CDK6: variants seen among roughly 807,000 people sequenced by gnomAD.
CDK6 encodes the protein cyclin dependent kinase 6.
CDK6 carries 6 observed loss-of-function variants against 37.1 expected under a neutral mutation model. That is an observed-to-expected ratio of 0.16 (90% CI 0.09 to 0.32). The LOEUF is 0.32. Ranked by LOEUF, CDK6 falls within the 10% of genes least tolerant of loss-of-function variation. The pLI, the probability that CDK6 is intolerant of heterozygous loss-of-function variation, is 1.00. For missense variants in CDK6, 224 were observed against 418.9 expected (o/e 0.53, Z 4.06); for synonymous variants, 160 against 161.3 (o/e 0.99, Z 0.06).
chr7:92,717,759 C>G (rs1798266330), intron 4 of CDK6, among the ~76,000 whole-genome samples: 1 of 152,206 alleles, frequency 6.6e-6, no homozygotes. Context: ...CTTTTATAAA[C>G]AAGGGAATCA....
intron 2 of CDK6, among the ~76,000 whole-genome samples, chr7:92,802,636 C>T (rs1800611031): frequency 6.6e-6 from 1 of 152,178 alleles, no homozygotes; most frequent in Non-Finnish European, 1.5e-5. Context: ...AGCTGCAGTT[C>T]CCACCGTTTA....
At chr7:92,676,764 G>A (rs1452990642) in intron 4 of CDK6, among the ~76,000 whole-genome samples, 1 of 152,032 alleles carries the variant, frequency 6.6e-6, no homozygotes, top group East Asian at 1.9e-4. Flanking sequence ...TTTGTGAAGT[G>A]AAAATCAAAA....
chr7:92,635,202 A>C (rs1796142071), intron 5 of CDK6, among the ~76,000 whole-genome samples: 1 of 152,190 alleles, frequency 6.6e-6, no homozygotes, highest in South Asian at 2.1e-4. Context: ...CTAGCTCCCT[A>C]AAACACTTAA....
chr7:92,676,346 G>A (rs2116614502), intron 4 of CDK6, among the ~76,000 whole-genome samples: 1 of 152,212 alleles, frequency 6.6e-6, no homozygotes, highest in East Asian at 1.9e-4. Flanking sequence ...AATTACAACA[G>A]AGACTATGAT....
intron 2 of CDK6, among the ~76,000 whole-genome samples, chr7:92,796,469 C>T (rs1282152222): frequency 2.0e-5 from 3 of 152,028 alleles, no homozygotes; most frequent in East Asian, 3.8e-4. Flanking sequence ...TAAGTTGCTA[C>T]GTGCATAAAT....
intron 3 of CDK6, among the ~76,000 whole-genome samples, chr7:92,767,319 T>C (rs79276519): frequency 1.2e-3 from 189 of 152,334 alleles, no homozygotes; most frequent in Non-Finnish European, 2.2e-3. Flanking sequence ...CTTTAAGAAG[T>C]TGCTTGAGTT....
At chr7:92,796,285 AG>A (rs1452498174) in intron 2 of CDK6, among the ~76,000 whole-genome samples, 3 of 152,066 alleles carry the variant, frequency 2.0e-5, no homozygotes, top group Admixed American at 6.6e-5. Context: ...CTTTGTTTCA[AG>A]TAAAAGAAAA....
At chr7:92,621,330 C>T (rs918768283) in intron 6 of CDK6, among the ~76,000 whole-genome samples, 18 of 152,202 alleles carry the variant, frequency 1.2e-4, no homozygotes, top group African/African-American at 3.9e-4. Context: ...TGGCAACCTA[C>T]GATTGTCAGG....
rs558833388 is a variant in CDK6, at chr7:92,767,317, A to T, written c.369+7379T>A. On this transcript the variant is annotated intron_variant, in intron 3 of 7. Transcript: ENST00000424848. ...TGCATAAAAATGTTCTCCTTTAAGAAGTTGCTTGAGTTACTGAGTTTTCCC... is the reference window on the plus strand; with the variant it reads ...TGCATAAAAATGTTCTCCTTTAAGATGTTGCTTGAGTTACTGAGTTTTCCC... 2.0e-5 allele frequency among the ~76,000 whole-genome samples: 3 copies of T among 152,322 alleles called. No homozygotes were observed. The South Asian group carries it at 6.2e-4, about 32-fold the overall frequency.
intron 4 of CDK6, among the ~76,000 whole-genome samples, chr7:92,683,719 G>GGT (rs1204092903): frequency 6.6e-6 from 1 of 151,994 alleles, no homozygotes; most frequent in Non-Finnish European, 1.5e-5. Context: ...TGGGGGGGGG[G>GGT]TCCCCACTAT....
intron 3 of CDK6, among the ~76,000 whole-genome samples, chr7:92,762,568 ACCT>A (rs1799482912): frequency 6.8e-6 from 1 of 146,714 alleles, no homozygotes; most frequent in Non-Finnish European, 1.5e-5. Context: ...TTCATAGAAC[ACCT>A]TTTTTTTTTT....
intron 4 of CDK6, among the ~76,000 whole-genome samples, chr7:92,694,600 A>G (rs1797667641): frequency 6.6e-6 from 1 of 152,240 alleles, no homozygotes; most frequent in Non-Finnish European, 1.5e-5. Context: ...GCAAAGCCAC[A>G]TATCACTTAT....
chr7:92,621,517 AAGAAGGTG>A (rs1313299697), intron 6 of CDK6, among the ~76,000 whole-genome samples: 4 of 152,192 alleles, frequency 2.6e-5, no homozygotes, highest in Non-Finnish European at 4.4e-5. Flanking sequence ...AAATAAGGGA[AAGAAGGTG>A]ATGGCTTTCA....
chr7:92,695,889 C>A (rs998525556), intron 4 of CDK6, among the ~76,000 whole-genome samples: 4 of 152,192 alleles, frequency 2.6e-5, no homozygotes, highest in Non-Finnish European at 5.9e-5. Flanking sequence ...ACTGGAGCTG[C>A]ACAAAGGAAA....
At chr7:92,670,716 A>G (rs913954550) in intron 5 of CDK6, among the ~76,000 whole-genome samples, 1 of 152,222 alleles carries the variant, frequency 6.6e-6, no homozygotes, top group African/African-American at 2.4e-5. Flanking sequence ...AACCCTATAA[A>G]TGCTACTGAA....
intron 5 of CDK6, among the ~76,000 whole-genome samples, chr7:92,661,277 G>A (rs1765643825): frequency 6.6e-6 from 1 of 152,146 alleles, no homozygotes; most frequent in South Asian, 2.1e-4. Context: ...GTCAAATAGG[G>A]ATGACAACAG....
rs1795427468 is a variant in CDK6, at chr7:92,606,338, C to G, written c.*8802G>C. 4.3e-6 allele frequency: 1 copy of G among 233,182 alleles called. No individual in the cohort carries two copies. Among genetic ancestry groups the G allele is most frequent in the African/African-American group, 2.2e-5 (1 of 45,370 alleles). The allele number at this position is 233,182 out of a possible 1,614,324, so 14.4% of individuals were successfully genotyped here. A position where few individuals can be genotyped will look rare whatever the true frequency, so the allele number is the denominator to read the frequency against. ...GTCTGTGCCCAGCATCAGGAACCAT[C>G]TCTAGATGAATGTGGCTAGGTCAAG... On this transcript the variant is annotated 3_prime_UTR_variant, in exon 8 of 8. Coordinates refer to ENST00000424848, the MANE Select transcript of CDK6 (RefSeq NM_001145306.2).
chr7:92,731,807 G>C (rs1043881804), intron 3 of CDK6, among the ~76,000 whole-genome samples: 2 of 151,774 alleles, frequency 1.3e-5, no homozygotes, highest in Non-Finnish European at 2.9e-5. Context: ...GTTGGTGTTT[G>C]AGGAACAATG....
chr7:92,750,517 G>A lies in CDK6; in HGVS notation c.369+24179C>T, dbSNP rs529997904. Reference sequence around the variant, plus strand: ...AGATTTCAATTTGGGTTGCCACTACGCCATATTTTGAAAATTACAAGAAAG... The same window carrying A: ...AGATTTCAATTTGGGTTGCCACTACACCATATTTTGAAAATTACAAGAAAG... On this transcript the variant is annotated intron_variant, in intron 3 of 7. Transcript: ENST00000424848. Among the ~76,000 whole-genome samples, 233 of 152,224 alleles carry A rather than the reference G, an allele frequency of 1.5e-3. 2 individuals carry two copies. Among genetic ancestry groups the A allele is most frequent in the African/African-American group, 5.1e-3 (212 of 41,522 alleles).
Sources: allele counts gnomAD v4.1 joint callset (sites outside exome capture counted in the v4.1 genomes callset), GRCh38; gene constraint gnomAD v4.1.1; transcripts MANE v1.5; gene names NCBI Gene and HGNC (gene_info 2026-07-23, HGNC 2026-07-21).